Variants in CYP3A7 observed in about 807,000 individuals in gnomAD.
CYP3A7 encodes cytochrome P450 family 3 subfamily A member 7, also known as cytochrome P450 3A7.
Under a neutral mutation model 55.2 loss-of-function variants are expected in CYP3A7, and 45 were observed. That is an observed-to-expected ratio of 0.82 (90% confidence interval 0.64 to 1.05). The LOEUF is 1.05. Ranked by LOEUF, CYP3A7 falls within the 50% of genes least tolerant of loss-of-function variation. CYP3A7 has a pLI of 0.00. For missense variants in CYP3A7, 548 were observed against 605.3 expected, an observed-to-expected ratio of 0.91 and a Z score of 0.99; for synonymous variants, 180 against 207.4, an observed-to-expected ratio of 0.87 and a Z score of 1.13.
chr7:99,734,976 C>T (rs745918901), intron 1 of CYP3A7, 47 bp downstream of exon 1: 23 of 1,613,262 alleles, frequency 1.4e-5, no homozygotes, highest in East Asian at 1.1e-4. Flanking sequence ...CTGATTAGCA[C>T]CCCAAGTCCA....
intron 11 of CYP3A7, 50 bp from the exon 12 acceptor site, chr7:99,708,024 A>C: frequency 6.2e-7 from 1 of 1,612,860 alleles, no homozygotes; most frequent in Non-Finnish European, 8.5e-7. Flanking sequence ...TAATACCTCT[A>C]AGAGTTACAT....
intron 2 of CYP3A7, among the ~76,000 whole-genome samples, chr7:99,724,722 C>A (rs954608700): frequency 2.6e-5 from 4 of 152,200 alleles, no homozygotes; most frequent in Non-Finnish European, 4.4e-5. Flanking sequence ...ACAATTTTCT[C>A]TTAGTCAGGT....
At chr7:99,729,041 T>C (rs1202658482) in intron 2 of CYP3A7, among the ~76,000 whole-genome samples, 3 of 152,066 alleles carry the variant, frequency 2.0e-5, no homozygotes, top group African/African-American at 7.2e-5. Context: ...TATATGACAA[T>C]ATAAAAAAGC....
chr7:99,707,797 A>G lies in CYP3A7; in HGVS notation c.1416+15T>C. ...ATTGTTAATAAAACATTATTAATGC[A>G]GAAAATTGACTGACCTGTGTTTCTT... On this transcript the variant is annotated intron_variant, in intron 12 of 12. Transcript: ENST00000336374. 2 of 1,613,730 alleles carry G rather than the reference A, an allele frequency of 1.2e-6. No individual in the cohort carries two copies. The highest frequency in any genetic ancestry group is 1.7e-6 in the Non-Finnish European group (2 of 1,179,732).
At chr7:99,720,014 A>C (rs1015481799) in intron 4 of CYP3A7, among the ~76,000 whole-genome samples, 1 of 152,170 alleles carries the variant, frequency 6.6e-6, no homozygotes, top group African/African-American at 2.4e-5. Context: ...AACAACAAAC[A>C]ACAAACAAAA....
intron 6 of CYP3A7, 123 bp downstream of exon 6, chr7:99,717,054 A>G: frequency 2.5e-6 from 3 of 1,186,260 alleles, no homozygotes; most frequent in Non-Finnish European, 3.7e-6. Context: ...TTGAAGTTGC[A>G]TTACCACAGC....
Position 99,705,333 on chromosome 7 carries a change from A to G in CYP3A7, c.*167T>C. ...TATATTACCAAGTATAACACTCTAT[A>G]CAGACCATGAGAGAGCACAATGCAC... On this transcript the variant is annotated 3_prime_UTR_variant, in exon 13 of 13. Coordinates refer to ENST00000336374, the MANE Select transcript of CYP3A7 (RefSeq NM_000765.5). The G allele has an allele frequency of 4.0e-6, 3 of 755,956 alleles. No individual in the cohort carries two copies. The highest frequency in any genetic ancestry group is 3.3e-5 in the South Asian group (2 of 61,354). 46.8% of individuals were successfully genotyped at this position (755,956 alleles called of 1,614,324 possible).
intron 1 of CYP3A7, among the ~76,000 whole-genome samples, chr7:99,734,667 G>C (rs1165768506): frequency 6.7e-6 from 1 of 149,674 alleles, no homozygotes; most frequent in Admixed American, 6.6e-5. Context: ...TGTTACCCAG[G>C]CTGGAGTGCA....
In CYP3A7 at chr7:99,717,609, C is replaced by A. The variant is rs1372642564; in HGVS notation, c.349G>T (p.Ala117Ser). 6 of 1,613,558 alleles carry A rather than the reference C, an allele frequency of 3.7e-6. No individual in the cohort carries two copies. The African/African-American group carries it at 8.0e-5, about 22-fold the overall frequency. ...TCTTCATCCTCAGCTATAGAGATGG[C>A]ATTTTTCATAAATCCCACTGGCCCG... The part of the protein sequence containing the change: ...PFGPVGFMKN[A>S]ISIAEDEEWK... The change falls in exon 5 of 13, where the codon GCC (alanine) becomes TCC (serine). Residue 117 changes from alanine to serine, a missense_variant. Coordinates refer to ENST00000336374, the MANE Select transcript of CYP3A7 (RefSeq NM_000765.5).
At chr7:99,710,621 A>G in intron 10 of CYP3A7, 111 bp downstream of exon 10, 1 of 1,567,604 alleles carries the variant, frequency 6.4e-7, no homozygotes. Context: ...CATATTGTGA[A>G]TGAAACAATC....
intron 3 of CYP3A7, among the ~76,000 whole-genome samples, chr7:99,721,707 C>T (rs568607667): frequency 2.0e-5 from 3 of 152,090 alleles, no homozygotes; most frequent in South Asian, 4.2e-4. Flanking sequence ...TTTACAATAG[C>T]GAGTGTGAAC....
At chr7:99,712,071 G>T (rs1430702511) in intron 9 of CYP3A7, among the ~76,000 whole-genome samples, 1 of 152,186 alleles carries the variant, frequency 6.6e-6, no homozygotes, top group Non-Finnish European at 1.5e-5. Context: ...GTGATTGCAA[G>T]TTGGCCCCTC....
intron 2 of CYP3A7, among the ~76,000 whole-genome samples, chr7:99,727,614 A>G (rs937545203): frequency 6.6e-6 from 1 of 152,134 alleles, no homozygotes; most frequent in African/African-American, 2.4e-5. Context: ...CCTGAATCAC[A>G]GTTAGTTTAT....
chr7:99,714,671 A>G lies in CYP3A7; in HGVS notation c.682T>C (p.Phe228Leu). 6.2e-7 allele frequency: 1 copy of G among 1,610,394 alleles called. No individual in the cohort carries two copies. Among genetic ancestry groups the G allele is most frequent in the Non-Finnish European group, 8.5e-7 (1 of 1,178,080 alleles). Residue 228 changes from phenylalanine to leucine, a missense_variant, in exon 8 of 13, where the codon TTC becomes CTC. Physicochemically the swap from Phe to Leu is conservative, Grantham distance 22. Transcript: ENST00000336374. ...PFVLSIKVFPFLTPILEALNI... is the reference protein window; with the variant it reads ...PFVLSIKVFPLLTPILEALNI... Reference sequence around the variant, plus strand: ...AATGCTTCAAGAATTGGGGTAAGGAATGGAAAGACTTCTGTAGAAAAAAAA... The same window carrying G: ...AATGCTTCAAGAATTGGGGTAAGGAGTGGAAAGACTTCTGTAGAAAAAAAA...
chr7:99,708,170 A>G (rs752843158), intron 11 of CYP3A7, among the ~76,000 whole-genome samples, 196 bp from the exon 12 acceptor site: 1 of 152,190 alleles, frequency 6.6e-6, no homozygotes, highest in African/African-American at 2.4e-5. Flanking sequence ...CTCTCCTTAC[A>G]TTATAGGAGC....
At chr7:99,729,921 G>A (rs551480234) in intron 2 of CYP3A7, among the ~76,000 whole-genome samples, 13 of 152,242 alleles carry the variant, frequency 8.5e-5, no homozygotes, top group African/African-American at 2.9e-4. Context: ...CTCCTCACAC[G>A]GACGCATGTG....
At chr7:99,708,939 C>G in intron 11 of CYP3A7, 96 bp downstream of exon 11, 1 of 1,369,160 alleles carries the variant, frequency 7.3e-7, no homozygotes, top group East Asian at 2.3e-5. Context: ...AAAAGACAAG[C>G]AAACGATTGT....
intron 12 of CYP3A7, 26 bp from the exon 13 acceptor site, chr7:99,705,621 A>C: frequency 6.2e-7 from 1 of 1,611,176 alleles, no homozygotes; most frequent in Non-Finnish European, 8.5e-7. Context: ...GAGCATATTG[A>C]GAAGCATTAA....
At chr7:99,717,380 G>A (rs1436928288) in intron 5 of CYP3A7, 115 bp from the exon 6 acceptor site, 11 of 1,593,758 alleles carry the variant, frequency 6.9e-6, no homozygotes, top group Non-Finnish European at 9.5e-6. Flanking sequence ...ATTTTATGAT[G>A]TGTTTTCTGT....
Sources: allele counts gnomAD v4.1 joint callset (sites outside exome capture counted in the v4.1 genomes callset), GRCh38; gene constraint gnomAD v4.1.1; transcripts MANE v1.5; gene names NCBI Gene and HGNC (gene_info 2026-07-23, HGNC 2026-07-21).